The following MMACHC variants were observed in gnomAD, a reference collection of about 807,000 sequenced individuals.
MMACHC encodes cyanocobalamin reductase / alkylcobalamin dealkylase.
MMACHC carries 14 observed loss-of-function variants against 17.6 expected under a neutral mutation model. The ratio of observed to expected loss-of-function variants is 0.80; its 90% CI spans 0.53 to 1.25. The LOEUF is 1.25. Ranked by LOEUF, MMACHC falls within the 50% of genes most tolerant of loss-of-function variation. The pLI is 0.00. For missense variants in MMACHC, 392 were observed against 364.5 expected (o/e 1.08, Z -0.62); for synonymous variants, 151 against 142.1 (o/e 1.06, Z -0.45).
At position 45,507,533 on chromosome 1, in the gene MMACHC, C is replaced by G. The variant is rs776402014; in HGVS notation, c.259C>G (p.Leu87Val). 4 of 1,614,226 alleles carry G rather than the reference C, an allele frequency of 2.5e-6. No individual in the cohort carries two copies. Among genetic ancestry groups the G allele is most frequent in the Non-Finnish European group, 3.4e-6 (4 of 1,180,038 alleles). Reference protein sequence around the residue: ...DPVDQCVAYHLGRVRESLPEL... With the variant: ...DPVDQCVAYHVGRVRESLPEL... ...AGTGGACCAGTGTGTGGCCTACCAT[C>G]TGGGCCGTGTTAGAGAGGTGAGGAA... The change falls in exon 2 of 4, where the codon CTG becomes GTG. Residue 87 changes from leucine to valine, a missense_variant. Transcript: ENST00000401061.
At chr1:45,500,865 CAAAAAAAAAAA>C in intron 1 of MMACHC, among the ~76,000 whole-genome samples, 1 of 86,350 alleles carries the variant, frequency 1.2e-5, no homozygotes, top group South Asian at 4.1e-4. Flanking sequence ...AACTCCGTGT[CAAAAAAAAAAA>C]AAAAAAAAAA....
intron 1 of MMACHC, among the ~76,000 whole-genome samples, chr1:45,502,759 C>CA (rs1643564831): frequency 6.7e-6 from 1 of 149,574 alleles, no homozygotes; most frequent in Non-Finnish European, 1.5e-5. Flanking sequence ...GGCTGGAGTG[C>CA]AATGGTGCGA....
rs1482277214 is a variant in MMACHC at position 45,509,417 on chromosome 1, T to TTTTTTC, written c.*207_*208insCTTTTT. ...GAATTCCCATCTGCCTTCAAATGAG[T>TTTTTTC]TTTTTTTTTTTTTTTAGACAGAGTC... On this transcript the variant is annotated 3_prime_UTR_variant, in exon 4 of 4. Coordinates refer to ENST00000401061, the MANE Select transcript of MMACHC (RefSeq NM_015506.3). 7.0e-5 allele frequency: 19 copies of TTTTTTC among 269,832 alleles called. No homozygotes were observed. The highest frequency in any genetic ancestry group is 1.1e-4 in the Non-Finnish European group (18 of 159,332). The allele number at this position is 269,832 out of a possible 1,614,324, so 16.7% of individuals were successfully genotyped here.
rs398124295 is a variant in MMACHC, at chr1:45,508,974, G to A, written c.608G>A (p.Trp203Ter). 3.1e-6 allele frequency: 5 copies of A among 1,614,138 alleles called. No individual in the cohort carries two copies. In the Admixed American group the frequency reaches 8.3e-5, roughly 27 times the overall value. The change falls in exon 4 of 4, where the codon TGG (tryptophan) becomes TAG (stop). Residue 203 changes from tryptophan to a stop codon, truncating the protein, a stop_gained. Coordinates refer to ENST00000401061, the MANE Select transcript of MMACHC (RefSeq NM_015506.3). LOFTEE classifies it low-confidence loss of function (END_TRUNC). ...LEGFNFHWRD[W>*]TYRDAVTPQE... ...GGCTTCAATTTCCACTGGCGTGATT[G>A]GACTTACCGGGATGCTGTGACACCC... is the stretch of plus-strand genomic sequence containing the variant.
At position 45,508,789 on chromosome 1, in the gene MMACHC, T is replaced by C. The variant is rs2149323786; in HGVS notation, c.430-7T>C. On this transcript the variant is annotated splice_polypyrimidine_tract_variant and splice_region_variant and intron_variant, in intron 3 of 3. Coordinates refer to ENST00000401061, the MANE Select transcript of MMACHC (RefSeq NM_015506.3). ...CATGACCTTGCTTTTCTTCACCCTC[T>C]CCCCAGCGCATATCAGGTGTGTGCA... The C allele has an allele frequency of 6.2e-7, 1 of 1,612,624 alleles. No homozygotes were observed. The highest frequency in any genetic ancestry group is 2.2e-5 in the East Asian group (1 of 44,858).
intron 1 of MMACHC, among the ~76,000 whole-genome samples, chr1:45,505,117 T>TA (rs1557606162): frequency 1.3e-3 from 38 of 28,444 alleles, no homozygotes; most frequent in Admixed American, 8.9e-3. Flanking sequence ...CTGTATACAT[T>TA]TAAAAAAAAA....
rs1257204721 is a variant in MMACHC, at chr1:45,508,929, AC to A, written c.565del (p.Arg189ValfsTer21). On this transcript the variant is annotated frameshift_variant, in exon 4 of 4. Transcript: ENST00000401061. LOFTEE classifies it low-confidence loss of function (END_TRUNC). The stretch of plus-strand genomic sequence containing the variant: ...CATGACTGTGTACCTACAAGAGCTG[AC>A]CGTATCGCCCTACTCGAAGGCTTCA... Reference protein sequence around the residue: ...KPHDCVPTRADRIALLEGFNF... With the variant: ...KPHDCVPTRAXRIALLEGFNF... The A allele has an allele frequency of 4.3e-6, 7 of 1,614,068 alleles. No homozygotes were observed. Among genetic ancestry groups the A allele is most frequent in the African/African-American group, 1.3e-5 (1 of 74,934 alleles).
In MMACHC at chr1:45,510,187, A is replaced by C. The variant is rs1277993360; in HGVS notation, c.*972A>C. The stretch of plus-strand genomic sequence containing the variant: ...TAAGCAGTATGTTGGCCATTACCAA[A>C]GGCCCTGGGAATTCTGTACTGCTGC... On this transcript the variant is annotated 3_prime_UTR_variant, in exon 4 of 4. Coordinates refer to ENST00000401061, the MANE Select transcript of MMACHC (RefSeq NM_015506.3). 1 of 152,148 alleles carries C rather than the reference A, an allele frequency of 6.6e-6. No homozygotes were observed. Among genetic ancestry groups the C allele is most frequent in the Non-Finnish European group, 1.5e-5 (1 of 68,054 alleles). The allele number at this position is 152,148 out of a possible 1,614,324, so 9.4% of individuals were successfully genotyped here.
chr1:45,509,018 GAGC>G lies in MMACHC; in HGVS notation c.655_657del (p.Gln219del), dbSNP rs1643684392. 1 of 1,614,104 alleles carries G rather than the reference GAGC, an allele frequency of 6.2e-7. No homozygotes were observed. The highest frequency in any genetic ancestry group is 8.5e-7 in the Non-Finnish European group (1 of 1,180,054). ...GACACCCCAGGAGCGCTACTCAGAA[GAGC>G]AGAAGGCCTACTTCTCCACTCCACC... On this transcript the variant is annotated inframe_deletion, in exon 4 of 4. Transcript: ENST00000401061.
Position 45,509,043 on chromosome 1 carries a change from C to T in MMACHC, c.677C>T (p.Pro226Leu), listed in dbSNP as rs1643685020. The stretch of plus-strand genomic sequence containing the variant: ...GAGCAGAAGGCCTACTTCTCCACTC[C>T]ACCTGCCCAACGATTGGCCCTATTG... ...SEEQKAYFST[P>L]PAQRLALLGL... is the part of the protein sequence containing the mutation. The change falls in exon 4 of 4, where the codon CCA becomes CTA. Residue 226 changes from proline to leucine, a missense_variant. Pro to Leu is a moderately conservative substitution (Grantham distance 98). Transcript: ENST00000401061. The T allele has an allele frequency of 6.2e-7, 1 of 1,614,072 alleles. No individual in the cohort carries two copies. Among genetic ancestry groups the T allele is most frequent in the East Asian group, 2.2e-5 (1 of 44,888 alleles).
chr1:45,506,149 A>G (rs976906190), intron 1 of MMACHC, among the ~76,000 whole-genome samples: 2 of 152,208 alleles, frequency 1.3e-5, no homozygotes, highest in African/African-American at 2.4e-5. Flanking sequence ...TGGTGGAACC[A>G]CATCGTTTTG....
chr1:45,502,708 T>C lies in MMACHC; in HGVS notation c.81+2295T>C, dbSNP rs889613857. Among the ~76,000 whole-genome samples, 5 of 146,324 alleles carry C rather than the reference T, an allele frequency of 3.4e-5. No homozygotes were observed. The East Asian group carries it at 9.8e-4, about 29-fold the overall frequency. ...CATCCAAGGAAGCCTTTTCTTTTCT[T>C]TTTTTTTTTTTTTGAGATGGAGTTT... On this transcript the variant is annotated intron_variant, in intron 1 of 3. Coordinates refer to ENST00000401061, the MANE Select transcript of MMACHC (RefSeq NM_015506.3).
At position 45,510,696 on chromosome 1, in the gene MMACHC, T is replaced by A. The variant is rs1271898747; in HGVS notation, c.*1481T>A. ...TTACATAGCAGGTACCAGGCATTTATCAGAAGAGGCCAAGCTTCTGGTTCC... is the reference window on the plus strand; with the variant it reads ...TTACATAGCAGGTACCAGGCATTTAACAGAAGAGGCCAAGCTTCTGGTTCC... On this transcript the variant is annotated 3_prime_UTR_variant, in exon 4 of 4. Coordinates refer to ENST00000401061, the MANE Select transcript of MMACHC (RefSeq NM_015506.3). 3.3e-5 allele frequency: 5 copies of A among 152,218 alleles called. No individual in the cohort carries two copies. Among genetic ancestry groups the A allele is most frequent in the Admixed American group, 6.5e-5 (1 of 15,274 alleles). 9.4% of individuals were successfully genotyped at this position (152,218 alleles called of 1,614,324 possible). A position where few individuals can be genotyped will look rare whatever the true frequency, so the allele number is the denominator to read the frequency against.
In MMACHC at chr1:45,508,309, G is replaced by A. The variant is rs751883359; in HGVS notation, c.374G>A (p.Gly125Glu). 1.2e-6 allele frequency: 2 copies of A among 1,614,202 alleles called. No homozygotes were observed. Among genetic ancestry groups the A allele is most frequent in the South Asian group, 1.1e-5 (1 of 91,084 alleles). ...ILAQTAAHVA[G>E]AAYYYQRQDV... ...GCCCAGACAGCAGCCCATGTAGCTG[G>A]GGCTGCTTACTACTACCAACGACAA... The change falls in exon 3 of 4, where the codon GGG becomes GAG. Residue 125 changes from glycine to glutamate, a missense_variant. Coordinates refer to ENST00000401061, the MANE Select transcript of MMACHC (RefSeq NM_015506.3).
At position 45,510,397 on chromosome 1, in the gene MMACHC, G is replaced by A. The variant is rs763207683; in HGVS notation, c.*1182G>A. 2 of 152,120 alleles carry A rather than the reference G, an allele frequency of 1.3e-5. No homozygotes were observed. The highest frequency in any genetic ancestry group is 6.6e-5 in the Admixed American group (1 of 15,252). The allele number at this position is 152,120 out of a possible 1,614,324, so 9.4% of individuals were successfully genotyped here. On this transcript the variant is annotated 3_prime_UTR_variant, in exon 4 of 4. Coordinates refer to ENST00000401061, the MANE Select transcript of MMACHC (RefSeq NM_015506.3). ...TCTGAGGACAATGACATATGAATGA[G>A]GATCAAAACGAGCTTTGGCCAGGCA...
At chr1:45,507,279 G>C in intron 1 of MMACHC, 77 bp from the exon 2 acceptor site, 1 of 1,395,728 alleles carries the variant, frequency 7.2e-7, no homozygotes, top group East Asian at 2.4e-5. Flanking sequence ...AAAAGTGTGA[G>C]GCCTGAAGGT....
Position 45,512,069 on chromosome 1 carries a change from C to CTTTTTTTTTTTTTTTTTTTTTTTTTTT in MMACHC, c.*2855_*2881dup, listed in dbSNP as rs869087041. On this transcript the variant is annotated 3_prime_UTR_variant, in exon 4 of 4. Transcript: ENST00000401061. ...GCAAGGGGACTAATCTCTTATTTTT[C>CTTTTTTTTTTTTTTTTTTTTTTTTTTT]TTTTTTTTTTTTTTTTTTTTTTTTT... is the stretch of plus-strand genomic sequence containing the variant. 1.5e-5 allele frequency: 1 copy of CTTTTTTTTTTTTTTTTTTTTTTTTTTT among 66,904 alleles called. No individual in the cohort carries two copies. Among genetic ancestry groups the CTTTTTTTTTTTTTTTTTTTTTTTTTTT allele is most frequent in the African/African-American group, 5.8e-5 (1 of 17,154 alleles). The allele number at this position is 66,904 out of a possible 1,614,324, so 4.1% of individuals were successfully genotyped here.
At chr1:45,502,321 G>A (rs1268445324) in intron 1 of MMACHC, among the ~76,000 whole-genome samples, 3 of 152,104 alleles carry the variant, frequency 2.0e-5, no homozygotes, top group Admixed American at 2.0e-4. Context: ...CCCGGCCGGA[G>A]TGCAGTGGTG....
intron 2 of MMACHC, 79 bp from the exon 3 acceptor site, chr1:45,508,133 A>G (rs1349472995): frequency 1.9e-6 from 3 of 1,564,488 alleles, no homozygotes; most frequent in Non-Finnish European, 2.6e-6. Context: ...CACACACACA[A>G]AACAAACTAG....
Sources: gnomAD v4.1 joint callset for allele counts (sites outside exome capture counted in the v4.1 genomes callset) on GRCh38, gnomAD v4.1.1 for gene constraint, MANE v1.5 for transcripts, NCBI Gene and HGNC (gene_info 2026-07-23, HGNC 2026-07-21) for gene names.